The following DCDC1 variants were observed in gnomAD, a reference collection of about 807,000 sequenced individuals.
DCDC1 encodes doublecortin domain-containing protein 1.
DCDC1 carries 200 observed loss-of-function variants against 178.3 expected under a neutral mutation model. That is an observed-to-expected ratio of 1.12 (90% confidence interval 1.00 to 1.26). The LOEUF is 1.26. Among genes scored for constraint, DCDC1 ranks in the 50% most tolerant of loss-of-function variants. The pLI is 0.00. For missense variants in DCDC1, 1,983 were observed against 1,749.2 expected (o/e 1.13, Z -2.38); for synonymous variants, 690 against 604.8 (o/e 1.14, Z -2.07).
intron 20 of DCDC1, among the ~76,000 whole-genome samples, chr11:31,002,715 A>G (rs1951641793): frequency 6.6e-6 from 1 of 152,198 alleles, no homozygotes; most frequent in Non-Finnish European, 1.5e-5. Flanking sequence ...CAAAAGTCAC[A>G]CTGTAGATTT....
chr11:31,020,712 C>T (rs1263321959), intron 20 of DCDC1, among the ~76,000 whole-genome samples: 1 of 152,130 alleles, frequency 6.6e-6, no homozygotes, highest in Admixed American at 6.6e-5. Context: ...GCTGGGTTTA[C>T]AGGCATGAGC....
chr11:31,084,133 T>G (rs975135826), intron 17 of DCDC1, among the ~76,000 whole-genome samples: 8 of 152,150 alleles, frequency 5.3e-5, no homozygotes, highest in Non-Finnish European at 1.0e-4. Flanking sequence ...TGAATAAGAA[T>G]AAGATTATTA....
At position 31,290,499 on chromosome 11, in the gene DCDC1, G is replaced by A. The variant is rs190755660; in HGVS notation, c.960+148C>T. 2.8e-5 allele frequency: 22 copies of A among 777,398 alleles called. No individual in the cohort carries two copies. The Admixed American group carries it at 6.2e-4, about 22-fold the overall frequency. The allele number at this position is 777,398 out of a possible 1,614,324, so 48.2% of individuals were successfully genotyped here. ...AGTGCAATAAGCAGACTTATAAACAGGTTTATACAGAATTTTTTAGTTCTA... is the reference window on the plus strand; with the variant it reads ...AGTGCAATAAGCAGACTTATAAACAAGTTTATACAGAATTTTTTAGTTCTA... On this transcript the variant is annotated intron_variant, in intron 7 of 38. Coordinates refer to ENST00000684477, the MANE Select transcript of DCDC1 (RefSeq NM_001387274.1).
intron 7 of DCDC1, among the ~76,000 whole-genome samples, chr11:31,283,731 T>G (rs1289985141): frequency 2.0e-5 from 3 of 152,170 alleles, no homozygotes; most frequent in Admixed American, 2.0e-4. Flanking sequence ...GTTCTTTTCC[T>G]GGCAGTTGTT....
chr11:31,210,588 G>T (rs1234767279), intron 9 of DCDC1, among the ~76,000 whole-genome samples: 1 of 151,828 alleles, frequency 6.6e-6, no homozygotes, highest in Non-Finnish European at 1.5e-5. Context: ...GCACATGCCT[G>T]TAATCCCAGC....
chr11:31,256,784 AGAC>A (rs1944440167), intron 8 of DCDC1, among the ~76,000 whole-genome samples: 1 of 152,210 alleles, frequency 6.6e-6, no homozygotes, highest in South Asian at 2.1e-4. Flanking sequence ...TAATAAGCAA[AGAC>A]TACACAGAAT....
rs114884535 is a variant in DCDC1 at position 31,097,141 on chromosome 11, C to G, written c.1984-2957G>C. On this transcript the variant is annotated intron_variant, in intron 15 of 38. Coordinates refer to ENST00000684477, the MANE Select transcript of DCDC1 (RefSeq NM_001387274.1). ...AATTTTGTTTTCTGAATAAACTGTG[C>G]TGATGTAGAAGCAGTCAATGATAAA... is the stretch of plus-strand genomic sequence containing the variant. 2.6e-4 allele frequency among the ~76,000 whole-genome samples: 39 copies of G among 152,316 alleles called. 1 individual carries two copies. The East Asian group carries it at 7.5e-3, about 29-fold the overall frequency.
intron 3 of DCDC1, among the ~76,000 whole-genome samples, chr11:31,322,062 G>A (rs1949393134): frequency 6.6e-6 from 1 of 152,132 alleles, no homozygotes; most frequent in African/African-American, 2.4e-5. Flanking sequence ...TGTATAAATT[G>A]ATGTCCTGTT....
intron 8 of DCDC1, among the ~76,000 whole-genome samples, chr11:31,263,530 A>G (rs542377500): frequency 7.2e-5 from 11 of 152,228 alleles, no homozygotes; most frequent in Non-Finnish European, 1.5e-4. Context: ...CATGTAATAA[A>G]ATGAAAAATA....
intron 36 of DCDC1, among the ~76,000 whole-genome samples, chr11:30,888,104 A>AAGAAAGAAAGAAAGAAAG (rs1943409861): frequency 2.9e-5 from 3 of 102,248 alleles, no homozygotes; most frequent in Non-Finnish European, 5.9e-5. Context: ...AAGAAAAAGA[A>AAGAAAGAAAGAAAGAAAG]AGAAAGAAAG....
chr11:31,057,296 A>C (rs1220686152), intron 20 of DCDC1, among the ~76,000 whole-genome samples: 2 of 150,440 alleles, frequency 1.3e-5, no homozygotes, highest in Non-Finnish European at 3.0e-5. Context: ...AGGGAAGGAA[A>C]GAAAGAAAGA....
At chr11:30,963,425 T>C (rs1423549325) in intron 20 of DCDC1, among the ~76,000 whole-genome samples, 1 of 152,134 alleles carries the variant, frequency 6.6e-6, no homozygotes, top group African/African-American at 2.4e-5. Context: ...TCAGTAGTAA[T>C]AGACTTTTAG....
intron 29 of DCDC1, among the ~76,000 whole-genome samples, chr11:30,908,401 T>G (rs75206478): frequency 0.018 from 2,725 of 152,188 alleles, 84 homozygotes; most frequent in African/African-American, 0.062. Context: ...ATAGAGACCT[T>G]ATTTGAATCT....
At chr11:30,871,451 C>T (rs987431817) in intron 38 of DCDC1, among the ~76,000 whole-genome samples, 3 of 152,168 alleles carry the variant, frequency 2.0e-5, no homozygotes, top group Admixed American at 6.6e-5. Flanking sequence ...CAGAGGTAAA[C>T]TGAGTGAGTC....
chr11:31,171,137 C>T (rs2136221691), intron 9 of DCDC1, among the ~76,000 whole-genome samples: 1 of 152,232 alleles, frequency 6.6e-6, no homozygotes, highest in East Asian at 1.9e-4. Context: ...TGAAAATCAG[C>T]ATTTTGATGT....
intron 20 of DCDC1, among the ~76,000 whole-genome samples, chr11:31,015,651 A>T: frequency 6.6e-6 from 1 of 152,250 alleles, no homozygotes; most frequent in Non-Finnish European, 1.5e-5. Context: ...GAAAAGGATT[A>T]TTTCAAGGGT....
intron 21 of DCDC1, chr11:30,944,313 A>G: frequency 2.2e-6 from 1 of 456,690 alleles, no homozygotes. Context: ...AACCAAGTCT[A>G]TCTCCTTCCT....
chr11:31,239,659 G>A (rs904957373), intron 9 of DCDC1, among the ~76,000 whole-genome samples: 1 of 151,790 alleles, frequency 6.6e-6, no homozygotes, highest in African/African-American at 2.4e-5. Context: ...AGGAGAAATG[G>A]CAAAGAGCAT....
chr11:31,176,132 A>C (rs35175148), intron 9 of DCDC1, among the ~76,000 whole-genome samples: 2,093 of 152,332 alleles, frequency 0.014, 30 homozygotes, highest in South Asian at 0.055. Context: ...TACAGCAGAA[A>C]ACAAACAATT....
Sources: gnomAD v4.1 joint callset for allele counts (sites outside exome capture counted in the v4.1 genomes callset) on GRCh38, gnomAD v4.1.1 for gene constraint, MANE v1.5 for transcripts, NCBI Gene and HGNC (gene_info 2026-07-23, HGNC 2026-07-21) for gene names.